CYP4F3: variants seen among roughly 807,000 people sequenced by gnomAD.
CYP4F3 encodes the protein cytochrome P450 4F3.
A neutral mutation model predicts 54.8 loss-of-function variants in CYP4F3; 50 were observed. The ratio of observed to expected loss-of-function variants is 0.91; its 90% CI spans 0.73 to 1.16. The LOEUF is 1.16. Among genes scored for constraint, CYP4F3 ranks in the 50% most tolerant of loss-of-function variants. CYP4F3 has a pLI of 0.00. For synonymous variants in CYP4F3, 244 were observed against 262.6 expected, an observed-to-expected ratio of 0.93 and a Z score of 0.69; for missense variants, 715 against 676.2, an observed-to-expected ratio of 1.06 and a Z score of -0.64.
intron 5 of CYP4F3, among the ~76,000 whole-genome samples, chr19:15,647,665 T>G (rs1320800175): frequency 6.6e-6 from 1 of 152,260 alleles, no homozygotes; most frequent in Non-Finnish European, 1.5e-5. Flanking sequence ...TAAAGGTTTA[T>G]GAATCCTGAT....
chr19:15,657,504 G>C (rs28371494), intron 9 of CYP4F3, among the ~76,000 whole-genome samples: 31,649 of 152,034 alleles, frequency 0.21, 3,607 homozygotes, highest in Middle Eastern at 0.27. Flanking sequence ...GGCCAGGCTG[G>C]TCTCGAACTC....
intron 1 of CYP4F3, 126 bp from the exon 2 acceptor site, chr19:15,641,289 T>C: frequency 2.4e-6 from 3 of 1,241,598 alleles, no homozygotes; most frequent in Non-Finnish European, 3.3e-6. Context: ...TGTTTATCCA[T>C]CCCTGTTTAC....
At chr19:15,653,402 C>T (rs1342757596) in intron 9 of CYP4F3, among the ~76,000 whole-genome samples, 1 of 152,162 alleles carries the variant, frequency 6.6e-6, no homozygotes, top group Non-Finnish European at 1.5e-5. Flanking sequence ...ATTCATCCAT[C>T]CAGTCCTCGT....
intron 9 of CYP4F3, among the ~76,000 whole-genome samples, chr19:15,656,550 CA>C: frequency 1.6e-5 from 2 of 124,288 alleles, no homozygotes; most frequent in Non-Finnish European, 3.7e-5. Flanking sequence ...ATGTATCTAT[CA>C]TTGATCTATC....
intron 2 of CYP4F3, among the ~76,000 whole-genome samples, chr19:15,642,906 AT>A (rs1972506801): frequency 6.6e-6 from 1 of 151,760 alleles, no homozygotes; most frequent in African/African-American, 2.4e-5. Flanking sequence ...GGATGGATGG[AT>A]GGATGGATGG....
chr19:15,648,592 A>G (rs1051406439), intron 5 of CYP4F3, among the ~76,000 whole-genome samples: 4 of 152,212 alleles, frequency 2.6e-5, no homozygotes, highest in African/African-American at 4.8e-5. Flanking sequence ...ATAACTGCAG[A>G]TGAGGAAACC....
intron 6 of CYP4F3, 109 bp from the exon 7 acceptor site, chr19:15,649,804 T>C: frequency 1.5e-5 from 22 of 1,480,108 alleles, no homozygotes; most frequent in Non-Finnish European, 2.0e-5. Flanking sequence ...CATCTGTTCC[T>C]GGATACCCCG....
intron 2 of CYP4F3, 80 bp downstream of exon 2, chr19:15,641,693 GGGGGTGGGCTGGGGTCT>G: frequency 1.4e-6 from 2 of 1,427,472 alleles, no homozygotes; most frequent in Non-Finnish European, 2.0e-6. Context: ...TCAGGTGAGA[GGGGGTGGGCTGGGGTCT>G]GGGGTGGCAG....
At chr19:15,654,946 G>A (rs1972973538) in intron 9 of CYP4F3, among the ~76,000 whole-genome samples, 1 of 152,136 alleles carries the variant, frequency 6.6e-6, no homozygotes, top group Admixed American at 6.5e-5. Context: ...AGGAACCTCT[G>A]TGCTGTTCTC....
At position 15,662,240 on chromosome 19, in the gene CYP4F3, C is replaced by T. The variant is rs576479595; in HGVS notation, c.*2855C>T. 3 of 118,420 alleles carry T rather than the reference C, an allele frequency of 2.5e-5. No homozygotes were observed. The highest frequency in any genetic ancestry group is 1.1e-4 in the African/African-American group (3 of 27,502). 7.3% of individuals were successfully genotyped at this position (118,420 alleles called of 1,614,324 possible). A position where few individuals can be genotyped will look rare whatever the true frequency, so the allele number is the denominator to read the frequency against. On this transcript the variant is annotated 3_prime_UTR_variant, in exon 13 of 13. Coordinates refer to ENST00000221307, the MANE Select transcript of CYP4F3 (RefSeq NM_000896.3). The stretch of plus-strand genomic sequence containing the variant: ...GAGCCGAGATTGTGCCACTGCACTC[C>T]AGCCTGGGTGAAAGAGCTAGATTCT...
At chr19:15,642,971 A>G (rs1446350909) in intron 2 of CYP4F3, among the ~76,000 whole-genome samples, 1 of 152,056 alleles carries the variant, frequency 6.6e-6, no homozygotes, top group Admixed American at 6.6e-5. Context: ...AGGTGGATAG[A>G]TAGGTAGAGT....
rs4646515 is a variant in CYP4F3 at position 15,658,569 on chromosome 19, G to C, written c.1314+14G>C. The C allele has an allele frequency of 0.39, 629,147 of 1,613,106 alleles. 128,765 individuals are homozygous for C. Among genetic ancestry groups the C allele is most frequent in the East Asian group, 0.65 (28,780 of 44,404 alleles). ...CCGGACCCTGAGGTGCGGGCCCCCC[G>C]TCTCTGTTTTTGTCCATTCCAAGGC... On this transcript the variant is annotated intron_variant, in intron 11 of 12. Transcript: ENST00000221307.
In CYP4F3 at chr19:15,658,380, G is replaced by T. The variant is rs755325321; in HGVS notation, c.1232G>T (p.Gly411Val). The T allele has an allele frequency of 3.1e-6, 5 of 1,613,998 alleles. No individual in the cohort carries two copies. Among genetic ancestry groups the T allele is most frequent in the Non-Finnish European group, 4.2e-6 (5 of 1,179,948 alleles). ...ACCCAAGACATTGTGCTCCCAGACG[G>T]CCGGGTCATCCCCAAAGGTGCCACA... ...CCTQDIVLPDGRVIPKGIICL... is the reference protein window; with the variant it reads ...CCTQDIVLPDVRVIPKGIICL... The change falls in exon 10 of 13, where the codon GGC (glycine) becomes GTC (valine). Residue 411 changes from glycine to valine, a missense_variant. Transcript: ENST00000221307.
chr19:15,641,614 G>A lies in CYP4F3; in HGVS notation c.198+1G>A. ...TTGGTTCTTGGGTCACCTGGGCCTGGTGAGTGTGGCAGCAGGACGGGTCTG... is the reference window on the plus strand; with the variant it reads ...TTGGTTCTTGGGTCACCTGGGCCTGATGAGTGTGGCAGCAGGACGGGTCTG... On this transcript the variant is annotated splice_donor_variant, in intron 2 of 12. Coordinates refer to ENST00000221307, the MANE Select transcript of CYP4F3 (RefSeq NM_000896.3). LOFTEE classifies it high-confidence loss of function. 6.2e-7 allele frequency: 1 copy of A among 1,612,374 alleles called. No individual in the cohort carries two copies. The highest frequency in any genetic ancestry group is 8.5e-7 in the Non-Finnish European group (1 of 1,179,144).
chr19:15,645,277 T>C (rs1300747537), intron 2 of CYP4F3, among the ~76,000 whole-genome samples: 1 of 152,202 alleles, frequency 6.6e-6, no homozygotes, highest in Non-Finnish European at 1.5e-5. Flanking sequence ...CCTGTGTTTC[T>C]GATTGCCTAG....
rs1973189923 is a variant in CYP4F3, at chr19:15,661,888, C to T, written c.*2503C>T. On this transcript the variant is annotated 3_prime_UTR_variant, in exon 13 of 13. Transcript: ENST00000221307. ...GAGTTTACATGTAATTCCATAATCT[C>T]CATTTAGTTAAATTTTGTATGGGGT... 1 of 152,118 alleles carries T rather than the reference C, an allele frequency of 6.6e-6. No homozygotes were observed. Among genetic ancestry groups the T allele is most frequent in the South Asian group, 2.1e-4 (1 of 4,820 alleles). The allele number at this position is 152,118 out of a possible 1,614,324, so 9.4% of individuals were successfully genotyped here.
At chr19:15,649,781 G>A (rs1972732568) in intron 6 of CYP4F3, 132 bp from the exon 7 acceptor site, 4 of 1,295,252 alleles carry the variant, frequency 3.1e-6, no homozygotes, top group Admixed American at 4.3e-5. Flanking sequence ...TCCCCATCCT[G>A]CATCTGAGGG....
chr19:15,653,531 G>C (rs923437497), intron 9 of CYP4F3, among the ~76,000 whole-genome samples: 12 of 152,144 alleles, frequency 7.9e-5, no homozygotes, highest in African/African-American at 2.9e-4. Flanking sequence ...TCCCAGCCTG[G>C]TGGGGGAACT....
At position 15,661,162 on chromosome 19, in the gene CYP4F3, T is replaced by C. The variant is rs959650127; in HGVS notation, c.*1777T>C. 1 of 151,988 alleles carries C rather than the reference T, an allele frequency of 6.6e-6. No individual in the cohort carries two copies. The highest frequency in any genetic ancestry group is 2.4e-5 in the African/African-American group (1 of 41,392). 9.4% of individuals were successfully genotyped at this position (151,988 alleles called of 1,614,324 possible). A position where few individuals can be genotyped will look rare whatever the true frequency, so the allele number is the denominator to read the frequency against. ...CTGTAATCCCAGCTACTCGGGAGGC[T>C]GATGCGGGAGAATCACTTGAAACCC... On this transcript the variant is annotated 3_prime_UTR_variant, in exon 13 of 13. Transcript: ENST00000221307.
Sources: allele counts gnomAD v4.1 joint callset (sites outside exome capture counted in the v4.1 genomes callset), GRCh38; gene constraint gnomAD v4.1.1; transcripts MANE v1.5; gene names NCBI Gene and HGNC (gene_info 2026-07-23, HGNC 2026-07-21).